The following CTNNA3 variants were observed in gnomAD, a reference collection of about 807,000 sequenced individuals.
CTNNA3 encodes catenin alpha 3.
CTNNA3 carries 76 observed loss-of-function variants against 95.7 expected under a neutral mutation model. The ratio of observed to expected loss-of-function variants is 0.79; its 90% confidence interval spans 0.66 to 0.96. CTNNA3 has a LOEUF of 0.96. Ranked by LOEUF, CTNNA3 falls within the 40% of genes least tolerant of loss-of-function variation. CTNNA3 has a pLI of 0.00. For missense variants in CTNNA3, 1,191 were observed against 1,089.8 expected (o/e 1.09, Z -1.31); for synonymous variants, 431 against 374.4 (o/e 1.15, Z -1.74).
Position 67,537,369 on chromosome 10 carries a change from T to C in CTNNA3, c.459+2134A>G, listed in dbSNP as rs188417734. ...TTTCTCATTTGTTAAATAGAAATCA[T>C]GATCATAGGGCTGTTATAAGAATTG... On this transcript the variant is annotated intron_variant, in intron 4 of 17. Transcript: ENST00000433211. Among the ~76,000 whole-genome samples the C allele has an allele frequency of 1.1e-3, 173 of 152,326 alleles. 1 individual carries two copies. Among genetic ancestry groups the C allele is most frequent in the Admixed American group, 2.0e-3 (30 of 15,294 alleles).
At chr10:66,859,955 G>A (rs1475827647) in intron 7 of CTNNA3, among the ~76,000 whole-genome samples, 1 of 125,534 alleles carries the variant, frequency 8.0e-6, no homozygotes, top group Non-Finnish European at 1.7e-5. Context: ...TCATAGGTGG[G>A]AACTGAACAA....
At chr10:66,869,346 T>C (rs1260062795) in intron 7 of CTNNA3, among the ~76,000 whole-genome samples, 2 of 151,896 alleles carry the variant, frequency 1.3e-5, no homozygotes, top group African/African-American at 2.4e-5. Context: ...ACTCAGCACT[T>C]TGGGAGGCCG....
At chr10:66,543,020 G>A (rs542951644) in intron 10 of CTNNA3, among the ~76,000 whole-genome samples, 1 of 152,202 alleles carries the variant, frequency 6.6e-6, no homozygotes, top group East Asian at 1.9e-4. Context: ...AAAGGCTACA[G>A]TATTTTTTAA....
At chr10:66,246,651 A>C (rs910830823) in intron 13 of CTNNA3, among the ~76,000 whole-genome samples, 3 of 152,004 alleles carry the variant, frequency 2.0e-5, no homozygotes, top group Admixed American at 6.6e-5. Context: ...TTTAACAGAG[A>C]CTGAAATTAA....
At chr10:66,630,836 G>T (rs1440297874) in intron 9 of CTNNA3, among the ~76,000 whole-genome samples, 1 of 152,112 alleles carries the variant, frequency 6.6e-6, no homozygotes, top group Non-Finnish European at 1.5e-5. Flanking sequence ...AAAGCACATA[G>T]CAAATTGCAG....
chr10:66,699,788 A>G (rs1055872497), intron 9 of CTNNA3, among the ~76,000 whole-genome samples: 11 of 151,688 alleles, frequency 7.3e-5, no homozygotes, highest in African/African-American at 2.4e-4. Context: ...CCCCCCGAGT[A>G]GCTGGGATTA....
chr10:67,575,674 T>G (rs1345711585), intron 3 of CTNNA3, among the ~76,000 whole-genome samples: 1 of 152,194 alleles, frequency 6.6e-6, no homozygotes, highest in Non-Finnish European at 1.5e-5. Context: ...TGGATTCTAG[T>G]GGGCAGAGTG....
At chr10:66,231,204 G>T (rs574845005) in intron 13 of CTNNA3, among the ~76,000 whole-genome samples, 15 of 152,242 alleles carry the variant, frequency 9.9e-5, no homozygotes, top group African/African-American at 3.6e-4. Context: ...TGGGAATGTG[G>T]ACTACTGAGG....
intron 13 of CTNNA3, 119 bp from the exon 14 acceptor site, chr10:66,103,368 A>T (rs2081732676): frequency 2.8e-6 from 2 of 722,854 alleles, no homozygotes; most frequent in South Asian, 3.2e-5. Context: ...CAGCAATTTC[A>T]CTCCCAGTTA....
intron 15 of CTNNA3, among the ~76,000 whole-genome samples, chr10:66,030,845 T>C (rs1053557440): frequency 6.6e-6 from 1 of 151,984 alleles, no homozygotes; most frequent in Non-Finnish European, 1.5e-5. Flanking sequence ...CTTGAACAAT[T>C]GAACAAGTGG....
chr10:66,583,030 T>C (rs981023981), intron 10 of CTNNA3, among the ~76,000 whole-genome samples: 1 of 151,886 alleles, frequency 6.6e-6, no homozygotes, highest in African/African-American at 2.4e-5. Flanking sequence ...CGCTGTTGGA[T>C]TTGGTTTGCT....
chr10:66,433,176 G>A (rs2131754856), intron 11 of CTNNA3, among the ~76,000 whole-genome samples: 1 of 152,242 alleles, frequency 6.6e-6, no homozygotes, highest in South Asian at 2.1e-4. Flanking sequence ...TAATGGGATT[G>A]CTGGGTCAAA....
At chr10:66,875,672 T>C (rs1342880370) in intron 7 of CTNNA3, among the ~76,000 whole-genome samples, 1 of 152,134 alleles carries the variant, frequency 6.6e-6, no homozygotes, top group Non-Finnish European at 1.5e-5. Context: ...GCTAATCCAA[T>C]CTCACAGAGC....
intron 5 of CTNNA3, among the ~76,000 whole-genome samples, chr10:67,442,946 T>A (rs1452564071): frequency 4.5e-5 from 3 of 66,098 alleles, no homozygotes; most frequent in Non-Finnish European, 2.7e-5. Flanking sequence ...CCCTCCCCCC[T>A]CCCCCCACCC....
chr10:66,737,612 T>C (rs1162859128), intron 9 of CTNNA3, among the ~76,000 whole-genome samples: 1 of 152,172 alleles, frequency 6.6e-6, no homozygotes, highest in Non-Finnish European at 1.5e-5. Flanking sequence ...TATAAGTGAC[T>C]TCTTCTAGCA....
At chr10:66,697,573 C>CA (rs1847811052) in intron 9 of CTNNA3, among the ~76,000 whole-genome samples, 1 of 151,926 alleles carries the variant, frequency 6.6e-6, no homozygotes, top group Non-Finnish European at 1.5e-5. Flanking sequence ...GGACAAATGG[C>CA]AAAAAATAGT....
At chr10:67,192,268 A>G (rs1037192800) in intron 6 of CTNNA3, among the ~76,000 whole-genome samples, 1 of 152,014 alleles carries the variant, frequency 6.6e-6, no homozygotes, top group African/African-American at 2.4e-5. Context: ...TCTGCAAAAA[A>G]TCTTCTGCAA....
intron 10 of CTNNA3, among the ~76,000 whole-genome samples, chr10:66,582,127 C>A (rs12414942): frequency 1.7e-4 from 25 of 151,476 alleles, no homozygotes; most frequent in African/African-American, 5.6e-4. Flanking sequence ...ACTATTTGGG[C>A]TATTTTTTGG....
chr10:66,370,987 T>C (rs552018808), intron 12 of CTNNA3, among the ~76,000 whole-genome samples: 1 of 152,144 alleles, frequency 6.6e-6, no homozygotes. Flanking sequence ...CCTTCCAAAG[T>C]GCTGGGATTA....
Sources: allele counts gnomAD v4.1 joint callset (sites outside exome capture counted in the v4.1 genomes callset), GRCh38; gene constraint gnomAD v4.1.1; transcripts MANE v1.5; gene names NCBI Gene and HGNC (gene_info 2026-07-23, HGNC 2026-07-21).